The following LIPI variants were observed in gnomAD, a reference collection of about 807,000 sequenced individuals.
The protein encoded by LIPI is lipase member I.
LIPI carries 59 observed loss-of-function variants against 50.6 expected under a neutral mutation model. The observed-to-expected ratio is 1.16, with a 90% CI of 0.94 to 1.45. LIPI has a LOEUF of 1.45. LIPI is among the 40% of genes most tolerant of loss of function. The probability of loss-of-function intolerance (pLI) is 0.00; values close to 1 mark genes in which losing one functional copy is unlikely to be tolerated. For missense variants in LIPI, 586 were observed against 536.3 expected (o/e 1.09, Z -0.92); for synonymous variants, 203 against 178.2 (o/e 1.14, Z -1.11).
rs1054763093 is a variant in LIPI at position 14,198,423 on chromosome 21, G to A, written c.47-9004C>T. 9.9e-5 allele frequency among the ~76,000 whole-genome samples: 15 copies of A among 151,980 alleles called. 1 individual carries two copies. The highest frequency in any genetic ancestry group is 3.6e-4 in the African/African-American group (15 of 41,474). ...GGGCTCAAAATAAAGGGATGGAGAA[G>A]AATCTACCAAGCAAACATAAAACAG... On this transcript the variant is annotated intron_variant, in intron 1 of 9. Transcript: ENST00000681601.
At chr21:14,189,834 A>G (rs1034984589) in intron 1 of LIPI, among the ~76,000 whole-genome samples, 3 of 152,122 alleles carry the variant, frequency 2.0e-5, no homozygotes, top group African/African-American at 7.2e-5. Context: ...CTAGTCATCA[A>G]TACAAAACAA....
At chr21:14,151,800 A>C (rs2018100670) in intron 8 of LIPI, among the ~76,000 whole-genome samples, 1 of 152,136 alleles carries the variant, frequency 6.6e-6, no homozygotes, top group Non-Finnish European at 1.5e-5. Context: ...ATGTACACAC[A>C]CTTGCACATA....
At chr21:14,164,436 C>G (rs1486606291) in intron 6 of LIPI, among the ~76,000 whole-genome samples, 1 of 152,234 alleles carries the variant, frequency 6.6e-6, no homozygotes, top group Non-Finnish European at 1.5e-5. Flanking sequence ...GTGCATACCC[C>G]TCCTAGGGTG....
chr21:14,137,088 T>C (rs1234869009), intron 9 of LIPI, among the ~76,000 whole-genome samples: 3 of 151,938 alleles, frequency 2.0e-5, no homozygotes, highest in African/African-American at 7.3e-5. Flanking sequence ...TTTTAAAAGG[T>C]CTGGAGTGCT....
intron 9 of LIPI, among the ~76,000 whole-genome samples, chr21:14,132,872 T>G (rs1026577741): frequency 1.3e-5 from 2 of 152,186 alleles, no homozygotes; most frequent in Non-Finnish European, 2.9e-5. Flanking sequence ...TATTAACAAC[T>G]ATGTGCTCAC....
chr21:14,197,265 T>C (rs2019895386), intron 1 of LIPI, among the ~76,000 whole-genome samples: 2 of 152,200 alleles, frequency 1.3e-5, no homozygotes, highest in East Asian at 1.9e-4. Context: ...CACTAGGGCA[T>C]ATTTCCATTA....
chr21:14,131,876 T>C (rs946227158), intron 9 of LIPI, among the ~76,000 whole-genome samples: 1 of 152,076 alleles, frequency 6.6e-6, no homozygotes, highest in Non-Finnish European at 1.5e-5. Context: ...AAAAAAAGCA[T>C]AAATTCTAGA....
At chr21:14,193,773 A>T (rs2019755627) in intron 1 of LIPI, among the ~76,000 whole-genome samples, 2 of 152,134 alleles carry the variant, frequency 1.3e-5, no homozygotes, top group African/African-American at 4.8e-5. Context: ...AGAAAAAAAA[A>T]ATGAGTAAAT....
chr21:14,203,455 C>T (rs367720970), intron 1 of LIPI, among the ~76,000 whole-genome samples: 1 of 152,036 alleles, frequency 6.6e-6, no homozygotes, highest in Admixed American at 6.6e-5. Context: ...CAATGATAGA[C>T]TGGATTAAGA....
intron 1 of LIPI, among the ~76,000 whole-genome samples, 182 bp downstream of exon 1, chr21:14,210,618 C>T (rs2020337786): frequency 6.6e-6 from 1 of 151,724 alleles, no homozygotes; most frequent in Non-Finnish European, 1.5e-5. Flanking sequence ...TAAACAAACA[C>T]ATGCACACAC....
At chr21:14,169,297 A>T (rs896943719) in intron 4 of LIPI, among the ~76,000 whole-genome samples, 2 of 152,164 alleles carry the variant, frequency 1.3e-5, no homozygotes, top group East Asian at 1.9e-4. Flanking sequence ...AACATTAGAC[A>T]GATCAACGAG....
rs936579708 is a variant in LIPI at position 14,168,091 on chromosome 21, G to A, written c.644-1640C>T. On this transcript the variant is annotated intron_variant, in intron 4 of 9. Coordinates refer to ENST00000681601, the MANE Select transcript of LIPI (RefSeq NM_001302998.2). ...ATGCAGAAGACTCAGGGGCCGATGCGATCAACTGGAAGAAAGGGTATCAGT... is the reference window on the plus strand; with the variant it reads ...ATGCAGAAGACTCAGGGGCCGATGCAATCAACTGGAAGAAAGGGTATCAGT... Among the ~76,000 whole-genome samples, 21 of 152,170 alleles carry A rather than the reference G, an allele frequency of 1.4e-4. 1 individual carries two copies. The highest frequency in any genetic ancestry group is 9.2e-4 in the Admixed American group (14 of 15,266).
Position 14,181,869 on chromosome 21 carries a change from A to G in LIPI, c.542-10T>C, listed in dbSNP as rs776066059. The G allele has an allele frequency of 2.6e-6, 4 of 1,514,258 alleles. No homozygotes were observed. The highest frequency in any genetic ancestry group is 3.7e-6 in the Non-Finnish European group (4 of 1,090,470). The allele number at this position is 1,514,258 out of a possible 1,614,324, so 93.8% of individuals were successfully genotyped here. Reference sequence around the variant, plus strand: ...CCAGCAGGGTCAAGACCTGGAAAGCAAGAAAGAAATAATCAGTCTCATCAA... The same window carrying G: ...CCAGCAGGGTCAAGACCTGGAAAGCGAGAAAGAAATAATCAGTCTCATCAA... On this transcript the variant is annotated splice_polypyrimidine_tract_variant and intron_variant, in intron 3 of 9. Transcript: ENST00000681601.
At chr21:14,154,230 T>A (rs2018198014) in intron 7 of LIPI, among the ~76,000 whole-genome samples, 1 of 151,286 alleles carries the variant, frequency 6.6e-6, no homozygotes, top group Non-Finnish European at 1.5e-5. Context: ...CACAGAAAAA[T>A]TAGATAGAAG....
At chr21:14,141,911 CTT>C (rs1473691625) in intron 9 of LIPI, among the ~76,000 whole-genome samples, 1 of 152,180 alleles carries the variant, frequency 6.6e-6, no homozygotes, top group African/African-American at 2.4e-5. Context: ...AGGGAGAAAA[CTT>C]CATCCCTGGA....
At chr21:14,200,863 C>T (rs913987798) in intron 1 of LIPI, among the ~76,000 whole-genome samples, 2 of 152,090 alleles carry the variant, frequency 1.3e-5, no homozygotes, top group Non-Finnish European at 2.9e-5. Flanking sequence ...TGACTTCAAA[C>T]TATACTACAG....
chr21:14,189,486 A>G, intron 1 of LIPI, 67 bp from the exon 2 acceptor site: 1 of 1,426,740 alleles, frequency 7.0e-7, no homozygotes, highest in East Asian at 2.3e-5. Flanking sequence ...GCTATTGCAA[A>G]GAACAGAATT....
intron 8 of LIPI, among the ~76,000 whole-genome samples, chr21:14,150,677 A>G (rs1453058585): frequency 6.6e-6 from 1 of 152,222 alleles, no homozygotes; most frequent in Non-Finnish European, 1.5e-5. Flanking sequence ...ATACATAAAT[A>G]CAATTGTAAG....
At chr21:14,117,851 G>A (rs1377632339) in intron 9 of LIPI, among the ~76,000 whole-genome samples, 3 of 152,042 alleles carry the variant, frequency 2.0e-5, no homozygotes, top group Non-Finnish European at 4.4e-5. Flanking sequence ...AAAGCAAAGT[G>A]GGAGGCCAAG....
Sources: allele counts gnomAD v4.1 joint callset (sites outside exome capture counted in the v4.1 genomes callset), GRCh38; gene constraint gnomAD v4.1.1; transcripts MANE v1.5; gene names NCBI Gene and HGNC (gene_info 2026-07-23, HGNC 2026-07-21).